The following KCNJ2 variants were observed in gnomAD, a reference collection of about 807,000 sequenced individuals.
KCNJ2 encodes potassium inwardly rectifying channel subfamily J member 2.
A neutral mutation model predicts 28.4 loss-of-function variants in KCNJ2; 12 were observed. The ratio of observed to expected loss-of-function variants is 0.42; its 90% CI spans 0.27 to 0.68. KCNJ2 has a LOEUF of 0.68. KCNJ2 is among the 30% of genes least tolerant of loss of function. The pLI, the probability that KCNJ2 is intolerant of heterozygous loss-of-function variation, is 0.23. For missense variants in KCNJ2, 320 were observed against 551.3 expected, an observed-to-expected ratio of 0.58 and a Z score of 4.20; for synonymous variants, 200 against 203.2, an observed-to-expected ratio of 0.98 and a Z score of 0.13.
At position 70,178,951 on chromosome 17, in the gene KCNJ2, C is replaced by G. The variant is rs563795306; in HGVS notation, c.*2628C>G. 1 of 166,718 alleles carries G rather than the reference C, an allele frequency of 6.0e-6. No individual in the cohort carries two copies. Among genetic ancestry groups the G allele is most frequent in the African/African-American group, 2.4e-5 (1 of 41,406 alleles). The allele number at this position is 166,718 out of a possible 1,614,324, so 10.3% of individuals were successfully genotyped here. Reference sequence around the variant, plus strand: ...CATGGTTTTAGCAAATATATACCAGCCTTATAAGGTTCGTATTGCTATGTT... The same window carrying G: ...CATGGTTTTAGCAAATATATACCAGGCTTATAAGGTTCGTATTGCTATGTT... On this transcript the variant is annotated 3_prime_UTR_variant, in exon 2 of 2. Transcript: ENST00000243457.
intron 1 of KCNJ2, among the ~76,000 whole-genome samples, chr17:70,172,752 T>A (rs2074371916): frequency 6.6e-6 from 1 of 152,182 alleles, no homozygotes; most frequent in Admixed American, 6.5e-5. Context: ...CTGAAGTCAA[T>A]CAGAACTCAA....
At position 70,178,647 on chromosome 17, in the gene KCNJ2, G is replaced by C; in HGVS notation, c.*2324G>C. ...TAAAAAGACTTGAGAAATTTGAAAG[G>C]GGGTGGGTATGGGGGGGGCAAGAAA... On this transcript the variant is annotated 3_prime_UTR_variant, in exon 2 of 2. Coordinates refer to ENST00000243457, the MANE Select transcript of KCNJ2 (RefSeq NM_000891.3). The C allele has an allele frequency of 6.0e-6, 1 of 166,456 alleles. No homozygotes were observed. Among genetic ancestry groups the C allele is most frequent in the Non-Finnish European group, 1.5e-5 (1 of 68,014 alleles). 10.3% of individuals were successfully genotyped at this position (166,456 alleles called of 1,614,324 possible). A position where few individuals can be genotyped will look rare whatever the true frequency, so the allele number is the denominator to read the frequency against.
rs2074395801 is a variant in KCNJ2, at chr17:70,176,767, G to A, written c.*444G>A. On this transcript the variant is annotated 3_prime_UTR_variant, in exon 2 of 2. Coordinates refer to ENST00000243457, the MANE Select transcript of KCNJ2 (RefSeq NM_000891.3). ...TGTTGCAGTGTAGTTTTCCTTTTGT[G>A]TAATTTTAAAGTCAGTGTTGAATTT... The A allele has an allele frequency of 1.0e-5, 2 of 193,122 alleles. No individual in the cohort carries two copies. The highest frequency in any genetic ancestry group is 1.1e-4 in the Admixed American group (2 of 18,256). The allele number at this position is 193,122 out of a possible 1,614,324, so 12.0% of individuals were successfully genotyped here.
At chr17:70,174,348 C>T (rs764526596) in intron 1 of KCNJ2, among the ~76,000 whole-genome samples, 13 of 152,332 alleles carry the variant, frequency 8.5e-5, no homozygotes, top group East Asian at 1.9e-4. Flanking sequence ...AATATTCTCC[C>T]GTAATGCACA....
In KCNJ2 at chr17:70,178,381, G is replaced by T. The variant is rs1444457043; in HGVS notation, c.*2058G>T. On this transcript the variant is annotated 3_prime_UTR_variant, in exon 2 of 2. Transcript: ENST00000243457. ...CCAAATGTAAAGGCAGGTTTGGGAAGGTGTTTAAAGAGTTGGAGGAATTGG... is the reference window on the plus strand; with the variant it reads ...CCAAATGTAAAGGCAGGTTTGGGAATGTGTTTAAAGAGTTGGAGGAATTGG... 6.0e-6 allele frequency: 1 copy of T among 166,972 alleles called. No homozygotes were observed. The highest frequency in any genetic ancestry group is 1.9e-4 in the East Asian group (1 of 5,198). 10.3% of individuals were successfully genotyped at this position (166,972 alleles called of 1,614,324 possible).
intron 1 of KCNJ2, among the ~76,000 whole-genome samples, chr17:70,174,545 C>T (rs907270910): frequency 3.9e-5 from 6 of 152,088 alleles, no homozygotes; most frequent in African/African-American, 9.7e-5. Flanking sequence ...ATAGAATATT[C>T]TAGATCCCTG....
chr17:70,172,715 C>A (rs1408153515), intron 1 of KCNJ2, among the ~76,000 whole-genome samples: 1 of 152,156 alleles, frequency 6.6e-6, no homozygotes, highest in Non-Finnish European at 1.5e-5. Context: ...AAGGGAATTT[C>A]TTGGTGTCAG....
At chr17:70,170,164 C>CT (rs112283513) in intron 1 of KCNJ2, among the ~76,000 whole-genome samples, 13,220 of 141,302 alleles carry the variant, frequency 0.094, 1,902 homozygotes, top group African/African-American at 0.31. Flanking sequence ...TGATCCTTGG[C>CT]TTTTTTTTTT....
chr17:70,173,402 GC>G (rs1435595720), intron 1 of KCNJ2, among the ~76,000 whole-genome samples: 1 of 152,062 alleles, frequency 6.6e-6, no homozygotes, highest in Non-Finnish European at 1.5e-5. Context: ...GTTATTCATT[GC>G]CCCCCTTTAA....
In KCNJ2 at chr17:70,176,627, T is replaced by A; in HGVS notation, c.*304T>A. The stretch of plus-strand genomic sequence containing the variant: ...GGCAAGCCTTGGTTGGGTATTTGAT[T>A]TATCCAGAATGCTTCTCTTTAGGGA... On this transcript the variant is annotated 3_prime_UTR_variant, in exon 2 of 2. Coordinates refer to ENST00000243457, the MANE Select transcript of KCNJ2 (RefSeq NM_000891.3). The A allele has an allele frequency of 2.3e-6, 1 of 439,166 alleles. No individual in the cohort carries two copies. Among genetic ancestry groups the A allele is most frequent in the South Asian group, 2.4e-5 (1 of 42,224 alleles). 27.2% of individuals were successfully genotyped at this position (439,166 alleles called of 1,614,324 possible).
At chr17:70,170,000 G>C (rs1451267639) in intron 1 of KCNJ2, among the ~76,000 whole-genome samples, 1 of 152,184 alleles carries the variant, frequency 6.6e-6, no homozygotes, top group Non-Finnish European at 1.5e-5. Context: ...CAGCTGTAGC[G>C]AGATACTGGG....
rs1275714057 is a variant in KCNJ2, at chr17:70,177,379, T to C, written c.*1056T>C. 1 of 167,154 alleles carries C rather than the reference T, an allele frequency of 6.0e-6. No homozygotes were observed. Among genetic ancestry groups the C allele is most frequent in the Non-Finnish European group, 1.5e-5 (1 of 68,148 alleles). The allele number at this position is 167,154 out of a possible 1,614,324, so 10.4% of individuals were successfully genotyped here. On this transcript the variant is annotated 3_prime_UTR_variant, in exon 2 of 2. Transcript: ENST00000243457. ...GAGATGGTGATGTACTCTTATATTT[T>C]TCTGGGCTTTTCCTTTTGCACATTC...
chr17:70,174,991 A>C lies in KCNJ2; in HGVS notation c.-49A>C, dbSNP rs528403265. On this transcript the variant is annotated 5_prime_UTR_variant, in exon 2 of 2. Transcript: ENST00000243457. ...TGTTTCTCCAAAGCGTTTTGCAAAA[A>C]CTCAGACTGTTTTCCAAAGCAGAAG... is the stretch of plus-strand genomic sequence containing the variant. The C allele has an allele frequency of 3.1e-6, 5 of 1,599,288 alleles. No homozygotes were observed. In the African/African-American group the frequency reaches 5.4e-5, roughly 17 times the overall value.
rs1037693664 is a variant in KCNJ2, at chr17:70,169,671, C to G, written c.-247C>G. Reference sequence around the variant, plus strand: ...TGCCTCTGTACCCCCCACTTCCACTCCATGTCCCCATGCTCCTGCGCCAGC... The same window carrying G: ...TGCCTCTGTACCCCCCACTTCCACTGCATGTCCCCATGCTCCTGCGCCAGC... On this transcript the variant is annotated 5_prime_UTR_variant, in exon 1 of 2. Transcript: ENST00000243457. 1 of 153,548 alleles carries G rather than the reference C, an allele frequency of 6.5e-6. No homozygotes were observed. The highest frequency in any genetic ancestry group is 2.4e-5 in the African/African-American group (1 of 41,488). The allele number at this position is 153,548 out of a possible 1,614,324, so 9.5% of individuals were successfully genotyped here.
rs965457678 is a variant in KCNJ2 at position 70,179,977 on chromosome 17, A to G, written c.*3654A>G. 1.2e-5 allele frequency: 2 copies of G among 166,298 alleles called. No homozygotes were observed. Among genetic ancestry groups the G allele is most frequent in the African/African-American group, 2.4e-5 (1 of 41,440 alleles). The allele number at this position is 166,298 out of a possible 1,614,324, so 10.3% of individuals were successfully genotyped here. On this transcript the variant is annotated 3_prime_UTR_variant, in exon 2 of 2. Coordinates refer to ENST00000243457, the MANE Select transcript of KCNJ2 (RefSeq NM_000891.3). Reference sequence around the variant, plus strand: ...TCCTATTGTACTGCACAAACCATGGATTGTACATATTTTTATATATTATGT... The same window carrying G: ...TCCTATTGTACTGCACAAACCATGGGTTGTACATATTTTTATATATTATGT...
Position 70,176,123 on chromosome 17 carries a change from G to A in KCNJ2, c.1084G>A (p.Ala362Thr), listed in dbSNP as rs752494731. Reference sequence around the variant, plus strand: ...TCCCCTTTGTAGTGCCAGAGACTTAGCAGAAAAGAAATATATCCTCTCAAA... The same window carrying A: ...TCCCCTTTGTAGTGCCAGAGACTTAACAGAAAAGAAATATATCCTCTCAAA... ...NTPLCSARDL[A>T]EKKYILSNAN... is the part of the protein sequence containing the mutation. Residue 362 changes from alanine (A) to threonine (T), a missense_variant, in exon 2 of 2, where the codon GCA (alanine) becomes ACA (threonine). By Grantham distance (58) the Ala-to-Thr change is moderately conservative. Around this residue, in one of 3 missense-constraint regions of KCNJ2, gnomAD observed 155 missense variants for 231.6 expected, o/e 0.67. Coordinates refer to ENST00000243457, the MANE Select transcript of KCNJ2 (RefSeq NM_000891.3). The A allele has an allele frequency of 6.2e-7, 1 of 1,614,000 alleles. No homozygotes were observed. The highest frequency in any genetic ancestry group is 8.5e-7 in the Non-Finnish European group (1 of 1,179,994).
chr17:70,178,740 T>A lies in KCNJ2; in HGVS notation c.*2417T>A, dbSNP rs2144381457. 1 of 166,978 alleles carries A rather than the reference T, an allele frequency of 6.0e-6. No individual in the cohort carries two copies. The highest frequency in any genetic ancestry group is 2.1e-4 in the South Asian group (1 of 4,824). 10.3% of individuals were successfully genotyped at this position (166,978 alleles called of 1,614,324 possible). On this transcript the variant is annotated 3_prime_UTR_variant, in exon 2 of 2. Coordinates refer to ENST00000243457, the MANE Select transcript of KCNJ2 (RefSeq NM_000891.3). ...AAATATAAAATTTCTGGTGCACAGGTTTGTTTTTTCAAGAAAATTTTGCAG... is the reference window on the plus strand; with the variant it reads ...AAATATAAAATTTCTGGTGCACAGGATTGTTTTTTCAAGAAAATTTTGCAG...
In KCNJ2 at chr17:70,177,287, A is replaced by G. The variant is rs542341672; in HGVS notation, c.*964A>G. ...AAGAGGAAGAAGAAGAAAGGGGCAC[A>G]CACACACAATACCGACGTCTATCCT... On this transcript the variant is annotated 3_prime_UTR_variant, in exon 2 of 2. Transcript: ENST00000243457. 1 of 167,272 alleles carries G rather than the reference A, an allele frequency of 6.0e-6. No homozygotes were observed. The highest frequency in any genetic ancestry group is 1.9e-4 in the East Asian group (1 of 5,200). The allele number at this position is 167,272 out of a possible 1,614,324, so 10.4% of individuals were successfully genotyped here.
Position 70,176,204 on chromosome 17 carries a change from G to C in KCNJ2, c.1165G>C (p.Asp389His), listed in dbSNP as rs140053197. 2 of 1,613,852 alleles carry C rather than the reference G, an allele frequency of 1.2e-6. No homozygotes were observed. Among genetic ancestry groups the C allele is most frequent in the East Asian group, 2.2e-5 (1 of 44,886 alleles). ...EVALTSKEED[D>H]SENGVPESTS... is the part of the protein sequence containing the mutation. ...TGCCCTCACAAGCAAAGAGGAAGAC[G>C]ACAGTGAAAATGGAGTTCCAGAAAG... Residue 389 changes from aspartate to histidine, a missense_variant, in exon 2 of 2, where the codon GAC becomes CAC. Asp to His is a moderately conservative substitution (Grantham distance 81). This residue lies in a region of KCNJ2 where 155 missense variants were observed against 231.6 expected (regional missense o/e 0.67). Transcript: ENST00000243457.
Sources: allele counts gnomAD v4.1 joint callset (sites outside exome capture counted in the v4.1 genomes callset), GRCh38; gene constraint gnomAD v4.1.1; regional missense constraint gnomAD v4.1.1; transcripts MANE v1.5; gene names NCBI Gene and HGNC (gene_info 2026-07-23, HGNC 2026-07-21).